The following ZFAT variants were observed in gnomAD, a reference collection of about 807,000 sequenced individuals.
The protein encoded by ZFAT is zinc finger and AT-hook domain containing, also known as zinc finger protein ZFAT.
ZFAT carries 64 observed loss-of-function variants against 117.7 expected under a neutral mutation model. The observed-to-expected ratio is 0.54, with a 90% CI of 0.44 to 0.67. The LOEUF is 0.67. ZFAT is among the 30% of genes least tolerant of loss of function. The probability of loss-of-function intolerance (pLI) is 0.00; values close to 1 mark genes in which losing one functional copy is unlikely to be tolerated. For missense variants in ZFAT, 1,433 were observed against 1,584.5 expected, an observed-to-expected ratio of 0.90 and a Z score of 1.62; for synonymous variants, 679 against 615.0, an observed-to-expected ratio of 1.10 and a Z score of -1.54.
At chr8:134,817,121 C>T in the ZFAT span, among the ~76,000 whole-genome samples, 55 of 152,080 alleles carry the variant, frequency 3.6e-4, no homozygotes, top group Non-Finnish European at 1.5e-4. Flanking sequence ...ACTAGTCTAG[C>T]TATTGCTATT....
intron 12 of ZFAT, among the ~76,000 whole-genome samples, chr8:134,522,598 T>C (rs1478272360): frequency 6.6e-6 from 1 of 152,200 alleles, no homozygotes; most frequent in African/African-American, 2.4e-5. Flanking sequence ...TTACAACTTT[T>C]ATTGGCAAAG....
chr8:134,744,295 GTT>G, the ZFAT span, among the ~76,000 whole-genome samples: 2,319 of 132,024 alleles, frequency 0.018, 57 homozygotes, highest in African/African-American at 0.062. Flanking sequence ...GAGGCTAAGA[GTT>G]TTTTTTTTTT....
chr8:134,783,914 T>C, the ZFAT span: 9 of 152,374 alleles, frequency 5.9e-5, no homozygotes, highest in African/African-American at 2.2e-4. Flanking sequence ...AAGGTTTTTA[T>C]TGGGTGTTAG....
intron 15 of ZFAT, among the ~76,000 whole-genome samples, chr8:134,504,901 G>A (rs1034449412): frequency 6.6e-6 from 1 of 152,020 alleles, no homozygotes; most frequent in African/African-American, 2.4e-5. Flanking sequence ...ACTCCTGCCT[G>A]GAGCCCTGCT....
At chr8:134,715,859 T>C (rs1385532508), upstream of ZFAT, among the ~76,000 whole-genome samples, 1 of 152,178 alleles carries the variant, frequency 6.6e-6, no homozygotes, top group Non-Finnish European at 1.5e-5. Flanking sequence ...ATCCAATATC[T>C]TTATGAGAAA....
chr8:134,658,274 T>C (rs189046513), intron 1 of ZFAT, among the ~76,000 whole-genome samples: 6 of 147,090 alleles, frequency 4.1e-5, no homozygotes, highest in African/African-American at 1.5e-4. Context: ...GAGGTGAAGC[T>C]TGCAGTGAGC....
At chr8:134,634,604 C>T (rs912575911) in intron 3 of ZFAT, among the ~76,000 whole-genome samples, 4 of 151,952 alleles carry the variant, frequency 2.6e-5, no homozygotes, top group African/African-American at 4.8e-5. Flanking sequence ...CACACACACA[C>T]ATTTAGGAAT....
the ZFAT span, among the ~76,000 whole-genome samples, chr8:134,731,862 G>C: frequency 6.6e-6 from 1 of 152,206 alleles, no homozygotes; most frequent in East Asian, 1.9e-4. Flanking sequence ...ACCTATGAGT[G>C]TTTCCAGTGT....
chr8:134,770,348 T>C, the ZFAT span, among the ~76,000 whole-genome samples: 1 of 152,216 alleles, frequency 6.6e-6, no homozygotes, highest in Non-Finnish European at 1.5e-5. Context: ...TTATGGACAT[T>C]TATTAGTTCC....
chr8:134,609,418 A>G lies in ZFAT; in HGVS notation c.635-539T>C, dbSNP rs151060028. Among the ~76,000 whole-genome samples, 225 of 152,264 alleles carry G rather than the reference A, an allele frequency of 1.5e-3. 1 individual carries two copies. The highest frequency in any genetic ancestry group is 5.2e-3 in the African/African-American group (217 of 41,552). ...TAGGAAATTCTCTTCTGGGCTTCTT[A>G]TTTTCCAGAATAATACTATTCTGAA... On this transcript the variant is annotated intron_variant, in intron 4 of 15. Transcript: ENST00000377838.
chr8:134,562,228 A>AT (rs907866112), intron 11 of ZFAT, among the ~76,000 whole-genome samples: 2 of 151,980 alleles, frequency 1.3e-5, no homozygotes, highest in Non-Finnish European at 2.9e-5. Flanking sequence ...AAGGAAGTGA[A>AT]TTTTTTTTCC....
intron 7 of ZFAT, among the ~76,000 whole-genome samples, chr8:134,590,637 T>C (rs980503015): frequency 1.0e-3 from 140 of 135,484 alleles, no homozygotes; most frequent in African/African-American, 3.4e-3. Context: ...GCACTATCAA[T>C]AGTCATCACC....
At chr8:134,495,413 A>G (rs1818361368) in intron 15 of ZFAT, among the ~76,000 whole-genome samples, 1 of 152,100 alleles carries the variant, frequency 6.6e-6, no homozygotes, top group African/African-American at 2.4e-5. Context: ...CCATCTCCAA[A>G]TACCATCATT....
chr8:134,718,221 G>A, the ZFAT span, among the ~76,000 whole-genome samples: 11 of 152,124 alleles, frequency 7.2e-5, no homozygotes, highest in South Asian at 2.1e-4. Flanking sequence ...AGGAAAGGCC[G>A]GGTGCAGTGG....
the ZFAT span, among the ~76,000 whole-genome samples, chr8:134,762,775 C>A: frequency 6.6e-6 from 1 of 152,278 alleles, no homozygotes; most frequent in East Asian, 1.9e-4. Flanking sequence ...CCTTTTTGAA[C>A]CTAACATGTC....
intron 1 of ZFAT, among the ~76,000 whole-genome samples, chr8:134,685,172 C>T (rs779660838): frequency 7.2e-5 from 11 of 152,134 alleles, no homozygotes; most frequent in Non-Finnish European, 1.3e-4. Context: ...CCACCACCAC[C>T]GTCACCATCC....
At chr8:134,622,641 C>A (rs534246496) in intron 3 of ZFAT, among the ~76,000 whole-genome samples, 2 of 152,154 alleles carry the variant, frequency 1.3e-5, no homozygotes, top group South Asian at 2.1e-4. Flanking sequence ...GCCCCTCCCC[C>A]CTCTCCACCC....
At chr8:134,830,446 A>C in the ZFAT span, among the ~76,000 whole-genome samples, 1 of 152,244 alleles carries the variant, frequency 6.6e-6, no homozygotes, top group Non-Finnish European at 1.5e-5. Context: ...TCAATTTCAA[A>C]GTGAGGGTCC....
chr8:134,638,552 A>AAAG, intron 2 of ZFAT, among the ~76,000 whole-genome samples: 1 of 25,080 alleles, frequency 4.0e-5, no homozygotes, highest in Non-Finnish European at 7.1e-5. Flanking sequence ...AAAAATACAA[A>AAAG]AAAAAAACAA....
Sources: allele counts gnomAD v4.1 joint callset (sites outside exome capture counted in the v4.1 genomes callset), GRCh38; gene constraint gnomAD v4.1.1; transcripts MANE v1.5; gene names NCBI Gene and HGNC (gene_info 2026-07-23, HGNC 2026-07-21).